ANKS1B: variants seen among roughly 807,000 people sequenced by gnomAD.
ANKS1B encodes ankyrin repeat and sterile alpha motif domain-containing protein 1B.
Under a neutral mutation model 148.3 loss-of-function variants are expected in ANKS1B, and 36 were observed. The ratio of observed to expected loss-of-function variants is 0.24; its 90% CI spans 0.19 to 0.32. ANKS1B has a LOEUF of 0.32. Among genes scored for constraint, ANKS1B ranks in the 10% least tolerant of loss-of-function variants. The pLI, the probability that ANKS1B is intolerant of heterozygous loss-of-function variation, is 1.00. For synonymous variants in ANKS1B, 542 were observed against 560.8 expected, an observed-to-expected ratio of 0.97 and a Z score of 0.47; for missense variants, 1,157 against 1,542.6, an observed-to-expected ratio of 0.75 and a Z score of 4.19.
chr12:99,765,307 G>C (rs1055862404), intron 8 of ANKS1B, among the ~76,000 whole-genome samples: 1 of 152,134 alleles, frequency 6.6e-6, no homozygotes, highest in Non-Finnish European at 1.5e-5. Flanking sequence ...CTAGCTTCTA[G>C]TGTTACAATT....
intron 17 of ANKS1B, among the ~76,000 whole-genome samples, chr12:98,962,291 T>C (rs945433470): frequency 2.0e-5 from 3 of 151,200 alleles, no homozygotes; most frequent in Admixed American, 6.6e-5. Context: ...TATACATATA[T>C]CAGACAAAAT....
chr12:99,253,522 C>T (rs116550022), intron 12 of ANKS1B, among the ~76,000 whole-genome samples: 66 of 152,246 alleles, frequency 4.3e-4, no homozygotes, highest in African/African-American at 1.6e-3. Context: ...CTTCCTAATC[C>T]ATGACATCCC....
chr12:99,561,092 C>T (rs189515780), intron 9 of ANKS1B, among the ~76,000 whole-genome samples: 1,952 of 152,114 alleles, frequency 0.013, 105 homozygotes, highest in Admixed American at 0.097. Context: ...GTGATCCACC[C>T]GCCTCGGCCT....
Position 99,443,888 on chromosome 12 carries a change from A to T in ANKS1B, c.1439-79T>A, listed in dbSNP as rs1018693728. The T allele has an allele frequency of 2.7e-6, 4 of 1,488,118 alleles. No homozygotes were observed. The African/African-American group carries it at 5.7e-5, about 21-fold the overall frequency. The allele number at this position is 1,488,118 out of a possible 1,614,324, so 92.2% of individuals were successfully genotyped here. A position where few individuals can be genotyped will look rare whatever the true frequency, so the allele number is the denominator to read the frequency against. Reference sequence around the variant, plus strand: ...GACTTGAAATTAATTTTCTGAACATAAATTGAGATTTCAACTTTTAAAACT... The same window carrying T: ...GACTTGAAATTAATTTTCTGAACATTAATTGAGATTTCAACTTTTAAAACT... On this transcript the variant is annotated intron_variant, in intron 10 of 26. Transcript: ENST00000683438.
chr12:99,479,615 C>T (rs1171639967), intron 10 of ANKS1B, among the ~76,000 whole-genome samples: 4 of 151,850 alleles, frequency 2.6e-5, no homozygotes, highest in Non-Finnish European at 5.9e-5. Context: ...CTAAGTTAAA[C>T]AAACCAGGCA....
chr12:99,444,155 T>C (rs2095596999), intron 10 of ANKS1B, among the ~76,000 whole-genome samples: 1 of 152,020 alleles, frequency 6.6e-6, no homozygotes, highest in Non-Finnish European at 1.5e-5. Context: ...TTTTATGATA[T>C]GATTGGGCTA....
At chr12:99,553,432 T>C (rs1461764532) in intron 9 of ANKS1B, among the ~76,000 whole-genome samples, 1 of 152,200 alleles carries the variant, frequency 6.6e-6, no homozygotes, top group Non-Finnish European at 1.5e-5. Context: ...ACTGTTGCTA[T>C]GGATGCTTTT....
chr12:99,650,940 G>A (rs547317850), intron 9 of ANKS1B, among the ~76,000 whole-genome samples: 2 of 152,168 alleles, frequency 1.3e-5, no homozygotes, highest in South Asian at 2.1e-4. Context: ...CCCCAATTAT[G>A]TCTGTATTGT....
intron 9 of ANKS1B, among the ~76,000 whole-genome samples, chr12:99,611,259 T>C (rs1175045933): frequency 6.6e-6 from 1 of 152,142 alleles, no homozygotes; most frequent in Non-Finnish European, 1.5e-5. Context: ...AGAAGTTAAA[T>C]AGCTATCTAG....
chr12:98,874,964 C>G (rs983322764), intron 17 of ANKS1B, among the ~76,000 whole-genome samples: 1 of 152,162 alleles, frequency 6.6e-6, no homozygotes, highest in African/African-American at 2.4e-5. Flanking sequence ...TGAATTGTAT[C>G]ATTATAAATT....
intron 12 of ANKS1B, among the ~76,000 whole-genome samples, chr12:99,366,492 C>A (rs1251598235): frequency 6.6e-6 from 1 of 151,912 alleles, no homozygotes; most frequent in Non-Finnish European, 1.5e-5. Context: ...GGTATTGGCC[C>A]ATGAATAGAC....
intron 19 of ANKS1B, among the ~76,000 whole-genome samples, chr12:98,828,009 A>C (rs2099264294): frequency 6.6e-6 from 1 of 152,224 alleles, no homozygotes; most frequent in Non-Finnish European, 1.5e-5. Flanking sequence ...AAACAGTAAT[A>C]AAAATTAAAA....
At chr12:99,753,865 T>C (rs2061335320) in intron 8 of ANKS1B, among the ~76,000 whole-genome samples, 1 of 151,690 alleles carries the variant, frequency 6.6e-6, no homozygotes, top group South Asian at 2.1e-4. Flanking sequence ...CTTCTAAAAA[T>C]ACAAAAAATC....
rs957200909 is a variant in ANKS1B at position 99,009,853 on chromosome 12, A to C, written c.2778+43304T>G. On this transcript the variant is annotated intron_variant, in intron 17 of 26. Transcript: ENST00000683438. ...TGAGTCATCTATGCAAAAAAAAAAA[A>C]ACAAACAAAAAACCCAAAAACTGAG... is the stretch of plus-strand genomic sequence containing the variant. Among the ~76,000 whole-genome samples, 58 of 151,124 alleles carry C rather than the reference A, an allele frequency of 3.8e-4. No homozygotes were observed. In the East Asian group the frequency reaches 5.6e-3, roughly 15 times the overall value.
chr12:99,725,056 C>A (rs937000101), intron 8 of ANKS1B, among the ~76,000 whole-genome samples: 5 of 152,120 alleles, frequency 3.3e-5, no homozygotes, highest in African/African-American at 1.2e-4. Context: ...AAAGACACAT[C>A]AAAATATAAA....
intron 17 of ANKS1B, among the ~76,000 whole-genome samples, chr12:99,041,762 A>G (rs2099959159): frequency 6.6e-6 from 1 of 152,138 alleles, no homozygotes; most frequent in Non-Finnish European, 1.5e-5. Context: ...GCACTTTGGG[A>G]TGCCTACATA....
intron 11 of ANKS1B, among the ~76,000 whole-genome samples, chr12:99,434,046 T>C (rs552658098): frequency 4.0e-4 from 61 of 152,280 alleles, no homozygotes; most frequent in African/African-American, 1.4e-3. Flanking sequence ...TCCTTTGTGG[T>C]ACTTTCACAG....
intron 8 of ANKS1B, among the ~76,000 whole-genome samples, chr12:99,720,941 T>C (rs1600612306): frequency 6.6e-6 from 1 of 152,230 alleles, no homozygotes; most frequent in East Asian, 1.9e-4. Flanking sequence ...AAATAATCTT[T>C]GCTGGCAGGG....
chr12:99,639,291 T>C (rs899581088), intron 9 of ANKS1B, among the ~76,000 whole-genome samples: 1 of 152,338 alleles, frequency 6.6e-6, no homozygotes, highest in Non-Finnish European at 1.5e-5. Context: ...AGTATCTGTA[T>C]CCCCATTGTA....
Sources: gnomAD v4.1 joint callset for allele counts (sites outside exome capture counted in the v4.1 genomes callset) on GRCh38, gnomAD v4.1.1 for gene constraint, MANE v1.5 for transcripts, NCBI Gene and HGNC (gene_info 2026-07-23, HGNC 2026-07-21) for gene names.